CPQ: variants seen among roughly 807,000 people sequenced by gnomAD.
CPQ encodes carboxypeptidase Q.
In CPQ, 37 loss-of-function variants were observed where a neutral mutation model predicts 45.7. That is an observed-to-expected ratio of 0.81 (90% CI 0.62 to 1.07). The LOEUF (loss-of-function observed/expected upper bound fraction) is 1.07. Ranked by LOEUF, CPQ falls within the 50% of genes least tolerant of loss-of-function variation. CPQ has a pLI of 0.00. For synonymous variants in CPQ, 186 were observed against 205.8 expected, an observed-to-expected ratio of 0.90 and a Z score of 0.82; for missense variants, 537 against 572.9, an observed-to-expected ratio of 0.94 and a Z score of 0.64.
chr8:97,109,130 A>G (rs1289752795), intron 7 of CPQ, among the ~76,000 whole-genome samples: 2 of 151,830 alleles, frequency 1.3e-5, no homozygotes, highest in East Asian at 1.9e-4. Context: ...CAGACCCTTG[A>G]CCCTTCCCCA....
chr8:96,683,406 A>G (rs1003240972), intron 1 of CPQ, among the ~76,000 whole-genome samples: 6 of 152,154 alleles, frequency 3.9e-5, no homozygotes, highest in Non-Finnish European at 7.4e-5. Context: ...CTTGTATATG[A>G]TAATCCCCTT....
intron 6 of CPQ, among the ~76,000 whole-genome samples, chr8:97,050,755 C>T (rs1810346955): frequency 6.6e-6 from 1 of 152,090 alleles, no homozygotes; most frequent in South Asian, 2.1e-4. Flanking sequence ...GCTTGAGAGT[C>T]CAGCTTGTAC....
intron 7 of CPQ, among the ~76,000 whole-genome samples, chr8:97,129,588 G>A (rs914159853): frequency 6.6e-6 from 1 of 152,000 alleles, no homozygotes; most frequent in Non-Finnish European, 1.5e-5. Context: ...ACAAAAAGTA[G>A]GAATGCTATT....
chr8:96,680,663 A>C (rs1267714902), intron 1 of CPQ: 1 of 152,588 alleles, frequency 6.6e-6, no homozygotes, highest in Non-Finnish European at 1.5e-5. Flanking sequence ...GGTGCTGCTG[A>C]AAAGATACCC....
chr8:97,000,774 A>G (rs1218380635), intron 5 of CPQ, among the ~76,000 whole-genome samples: 2 of 152,196 alleles, frequency 1.3e-5, no homozygotes, highest in African/African-American at 2.4e-5. Flanking sequence ...AGTTCTGTGA[A>G]GAATGTCAAT....
chr8:96,840,830 G>A (rs1288486332), intron 3 of CPQ, among the ~76,000 whole-genome samples: 1 of 152,168 alleles, frequency 6.6e-6, no homozygotes, highest in East Asian at 1.9e-4. Context: ...TCTATGGGAT[G>A]AATCTGTATT....
At chr8:97,052,394 A>C (rs1241534798) in intron 6 of CPQ, among the ~76,000 whole-genome samples, 1 of 152,186 alleles carries the variant, frequency 6.6e-6, no homozygotes, top group Non-Finnish European at 1.5e-5. Context: ...AAATATGTGA[A>C]GCGATTGTTA....
In CPQ at chr8:97,131,442, A is replaced by T. The variant is rs78616832; in HGVS notation, c.1256-11578A>T. Among the ~76,000 whole-genome samples the T allele has an allele frequency of 5.9e-3, 901 of 152,322 alleles. 5 individuals carry two copies. Among genetic ancestry groups the T allele is most frequent in the African/African-American group, 0.02 (829 of 41,570 alleles). ...TCATTAGCATTTAAGCTTATATCTA[A>T]TGCACATTTTTAGATAGGATTTTTT... is the stretch of plus-strand genomic sequence containing the variant. On this transcript the variant is annotated intron_variant, in intron 7 of 7. Transcript: ENST00000220763.
At chr8:96,839,264 G>GA (rs941541014) in intron 3 of CPQ, among the ~76,000 whole-genome samples, 1 of 151,940 alleles carries the variant, frequency 6.6e-6, no homozygotes, top group Non-Finnish European at 1.5e-5. Context: ...CAGATGTCCT[G>GA]AAAAAATGTC....
At chr8:96,790,427 T>C (rs1389785458) in intron 2 of CPQ, among the ~76,000 whole-genome samples, 1 of 152,066 alleles carries the variant, frequency 6.6e-6, no homozygotes, top group African/African-American at 2.4e-5. Context: ...CTACTTAGGG[T>C]AGAGTTTCCA....
intron 1 of CPQ, among the ~76,000 whole-genome samples, chr8:96,646,668 G>C (rs1478650946): frequency 6.6e-6 from 1 of 152,190 alleles, no homozygotes; most frequent in Non-Finnish European, 1.5e-5. Flanking sequence ...CTTGCCACTT[G>C]ATCTCTTTAG....
intron 5 of CPQ, among the ~76,000 whole-genome samples, chr8:96,986,025 T>C (rs928616517): frequency 2.0e-5 from 3 of 152,198 alleles, no homozygotes; most frequent in Non-Finnish European, 4.4e-5. Flanking sequence ...ACATTACTGA[T>C]TGGAGCTCTA....
intron 7 of CPQ, among the ~76,000 whole-genome samples, chr8:97,071,010 C>A (rs1054686813): frequency 2.5e-4 from 38 of 152,102 alleles, no homozygotes; most frequent in African/African-American, 8.9e-4. Context: ...AAATTAAATA[C>A]CCTCTTACTG....
chr8:97,123,182 A>AATAAAAT (rs1811780127), intron 7 of CPQ, among the ~76,000 whole-genome samples: 5 of 120,764 alleles, frequency 4.1e-5, no homozygotes, highest in African/African-American at 1.0e-4. Context: ...TAAAATATAA[A>AATAAAAT]ATAAAATAAA....
intron 6 of CPQ, among the ~76,000 whole-genome samples, chr8:97,040,199 A>G (rs1487739725): frequency 6.6e-6 from 1 of 151,488 alleles, no homozygotes; most frequent in Non-Finnish European, 1.5e-5. Flanking sequence ...ATGGTATCTC[A>G]TTGTGGTTTT....
chr8:96,860,956 T>C (rs2130866984), intron 3 of CPQ, among the ~76,000 whole-genome samples: 1 of 152,288 alleles, frequency 6.6e-6, no homozygotes, highest in Admixed American at 6.5e-5. Flanking sequence ...AATTTAAAAA[T>C]GTATTTTGAT....
chr8:96,717,905 G>A (rs1809705662), intron 1 of CPQ, among the ~76,000 whole-genome samples: 1 of 152,178 alleles, frequency 6.6e-6, no homozygotes, highest in African/African-American at 2.4e-5. Flanking sequence ...GTGGGGAGTA[G>A]CAGGTGACAG....
chr8:96,735,853 G>T (rs1809975433), intron 1 of CPQ, among the ~76,000 whole-genome samples: 1 of 152,046 alleles, frequency 6.6e-6, no homozygotes. Context: ...GTCACTTCTT[G>T]TCCACACAAA....
At chr8:96,746,719 G>C (rs1810188373) in intron 1 of CPQ, among the ~76,000 whole-genome samples, 1 of 152,130 alleles carries the variant, frequency 6.6e-6, no homozygotes, top group African/African-American at 2.4e-5. Flanking sequence ...ATTTACTTTT[G>C]TTCTGAGTAG....
Sources: allele counts gnomAD v4.1 joint callset (sites outside exome capture counted in the v4.1 genomes callset), GRCh38; gene constraint gnomAD v4.1.1; transcripts MANE v1.5; gene names NCBI Gene and HGNC (gene_info 2026-07-23, HGNC 2026-07-21).